SCP2: variants seen among roughly 807,000 people sequenced by gnomAD.
SCP2 encodes the protein SCP-2/3-oxoacyl-CoA thiolase.
Under a neutral mutation model 71.4 loss-of-function variants are expected in SCP2, and 48 were observed. The ratio of observed to expected loss-of-function variants is 0.67; its 90% confidence interval spans 0.53 to 0.86. The LOEUF is 0.86. Among genes scored for constraint, SCP2 ranks in the 40% least tolerant of loss-of-function variants. The probability of loss-of-function intolerance (pLI) is 0.00; values close to 1 mark genes in which losing one functional copy is unlikely to be tolerated. For synonymous variants in SCP2, 220 were observed against 218.1 expected (o/e 1.01, Z -0.08); for missense variants, 560 against 655.6 (o/e 0.85, Z 1.59).
Position 52,974,329 on chromosome 1 carries a change from T to C in SCP2, c.524-440T>C, listed in dbSNP as rs995299819. Among the ~76,000 whole-genome samples, 10 of 152,288 alleles carry C rather than the reference T, an allele frequency of 6.6e-5. No individual in the cohort carries two copies. In the East Asian group the frequency reaches 1.9e-3, roughly 29 times the overall value. On this transcript the variant is annotated intron_variant, in intron 6 of 15. Transcript: ENST00000371514. ...ATCAGGATATAACTCTTCTAAAAAC[T>C]TTTCTGTTTTATCATAAGGAAAGGG... is the stretch of plus-strand genomic sequence containing the variant.
intron 11 of SCP2, among the ~76,000 whole-genome samples, chr1:53,013,446 A>T (rs112951874): frequency 0.49 from 52,844 of 106,900 alleles, 13,667 homozygotes; most frequent in East Asian, 0.65. Context: ...AAAAAAAAAA[A>T]TAGCTGGGAG....
chr1:52,973,388 A>T (rs1303051239), intron 6 of SCP2, among the ~76,000 whole-genome samples: 2 of 151,700 alleles, frequency 1.3e-5, no homozygotes, highest in Non-Finnish European at 1.5e-5. Flanking sequence ...AATGAAAATA[A>T]CCCCCCAAAA....
chr1:52,970,852 T>C (rs560849347), intron 6 of SCP2, among the ~76,000 whole-genome samples: 6 of 151,910 alleles, frequency 3.9e-5, no homozygotes, highest in Admixed American at 2.6e-4. Flanking sequence ...TTTTAACTTA[T>C]AGATAATTTG....
At chr1:52,927,563 C>A in intron 1 of SCP2, 98 bp downstream of exon 1, 1 of 901,880 alleles carries the variant, frequency 1.1e-6, no homozygotes, top group Non-Finnish European at 1.8e-6. Flanking sequence ...GACTGCTCCG[C>A]GCGTGGGTCA....
chr1:53,024,011 G>A (rs556113605), intron 12 of SCP2, among the ~76,000 whole-genome samples: 43 of 152,074 alleles, frequency 2.8e-4, no homozygotes, highest in Admixed American at 9.8e-4. Flanking sequence ...GAGTCTCCTC[G>A]TCCTGTCACA....
chr1:52,980,273 C>T, intron 9 of SCP2, 123 bp from the exon 10 acceptor site: 1 of 951,034 alleles, frequency 1.1e-6, no homozygotes, highest in Non-Finnish European at 1.6e-6. Flanking sequence ...TGCACCTGGG[C>T]AAAAATTTAA....
In SCP2 at chr1:52,951,529, C is replaced by T. The variant is rs965814759; in HGVS notation, c.331+643C>T. ...GTATGATCATACCACTGCACTCTAGCCTGGGCCACACAGTGAGACTGTCTC... is the reference window on the plus strand; with the variant it reads ...GTATGATCATACCACTGCACTCTAGTCTGGGCCACACAGTGAGACTGTCTC... On this transcript the variant is annotated intron_variant, in intron 4 of 15. Transcript: ENST00000371514. 4.9e-4 allele frequency among the ~76,000 whole-genome samples: 69 copies of T among 141,858 alleles called. 1 individual carries two copies. Among genetic ancestry groups the T allele is most frequent in the Non-Finnish European group, 8.1e-4 (54 of 66,334 alleles). The allele number at this position is 141,858 out of a possible 152,430, so 93.1% of individuals were successfully genotyped here.
At chr1:53,049,425 A>C (rs574570294) in intron 15 of SCP2, 1 of 152,186 alleles carries the variant, frequency 6.6e-6, no homozygotes, top group East Asian at 1.9e-4. Context: ...GAAATCGTTA[A>C]ATGCAGTGGA....
At chr1:52,934,957 C>T (rs1653566117) in intron 1 of SCP2, 1 of 148,058 alleles carries the variant, frequency 6.8e-6, no homozygotes, top group East Asian at 2.1e-4. Flanking sequence ...AACCACCGCG[C>T]CCGGCCTAAC....
intron 10 of SCP2, among the ~76,000 whole-genome samples, chr1:52,981,345 C>A (rs1658475609): frequency 6.6e-6 from 1 of 152,150 alleles, no homozygotes; most frequent in Non-Finnish European, 1.5e-5. Flanking sequence ...TGAAATGTAG[C>A]TAGTCCAAAT....
At chr1:53,030,206 T>C (rs902092572) in intron 13 of SCP2, among the ~76,000 whole-genome samples, 15 of 152,186 alleles carry the variant, frequency 9.9e-5, no homozygotes, top group African/African-American at 3.6e-4. Flanking sequence ...TCATTTTTAA[T>C]ACATAGTATG....
chr1:52,982,545 G>A (rs1236261103), intron 10 of SCP2, among the ~76,000 whole-genome samples: 1 of 152,066 alleles, frequency 6.6e-6, no homozygotes, highest in Non-Finnish European at 1.5e-5. Context: ...ACTCCAGCCT[G>A]GGTGACAGAG....
chr1:52,998,142 C>A (rs926527795), intron 11 of SCP2, among the ~76,000 whole-genome samples: 1 of 152,076 alleles, frequency 6.6e-6, no homozygotes, highest in African/African-American at 2.4e-5. Flanking sequence ...TATCCATTGT[C>A]CTGTGGATGG....
intron 12 of SCP2, among the ~76,000 whole-genome samples, chr1:53,024,809 T>TGATC (rs1662005929): frequency 6.6e-6 from 1 of 151,960 alleles, no homozygotes; most frequent in African/African-American, 2.4e-5. Flanking sequence ...TGACCTCAGG[T>TGATC]GATCCACCTG....
chr1:53,051,313 A>T lies in SCP2; in HGVS notation c.*609A>T, dbSNP rs1227909524. On this transcript the variant is annotated 3_prime_UTR_variant, in exon 16 of 16. Coordinates refer to ENST00000371514, the MANE Select transcript of SCP2 (RefSeq NM_002979.5). ...TATTTTTAAAATAAAAATATTTTTA[A>T]CATGGGTTTCCTTATTGAAAAATCA... The T allele has an allele frequency of 6.6e-6, 1 of 152,218 alleles. No homozygotes were observed. Among genetic ancestry groups the T allele is most frequent in the Non-Finnish European group, 1.5e-5 (1 of 68,040 alleles). 9.4% of individuals were successfully genotyped at this position (152,218 alleles called of 1,614,324 possible). A position where few individuals can be genotyped will look rare whatever the true frequency, so the allele number is the denominator to read the frequency against.
chr1:52,981,910 G>A (rs75585072), intron 10 of SCP2, among the ~76,000 whole-genome samples: 6,894 of 151,908 alleles, frequency 0.045, 438 homozygotes, highest in African/African-American at 0.13. Context: ...ATTTAGGTTG[G>A]TCATTTAATT....
intron 9 of SCP2, among the ~76,000 whole-genome samples, chr1:52,980,013 A>C (rs1031902310): frequency 6.8e-6 from 1 of 146,728 alleles, no homozygotes; most frequent in Non-Finnish European, 1.5e-5. Context: ...TTGCTCTTTC[A>C]TCCAGGCTGG....
At chr1:52,989,753 C>T (rs1659303122) in intron 11 of SCP2, among the ~76,000 whole-genome samples, 1 of 151,948 alleles carries the variant, frequency 6.6e-6, no homozygotes, top group Non-Finnish European at 1.5e-5. Flanking sequence ...CCTCAGGTGC[C>T]AATTGGGGTA....
At chr1:52,981,839 C>T (rs913828884) in intron 10 of SCP2, among the ~76,000 whole-genome samples, 4 of 151,044 alleles carry the variant, frequency 2.6e-5, no homozygotes, top group Non-Finnish European at 5.9e-5. Flanking sequence ...ATTGTGTGGG[C>T]ATTATATTTC....
Sources: gnomAD v4.1 joint callset for allele counts (sites outside exome capture counted in the v4.1 genomes callset) on GRCh38, gnomAD v4.1.1 for gene constraint, MANE v1.5 for transcripts, NCBI Gene and HGNC (gene_info 2026-07-23, HGNC 2026-07-21) for gene names.